KYNU: variants seen among roughly 807,000 people sequenced by gnomAD.
The protein encoded by KYNU is kynureninase, also known as L-kynurenine hydrolase.
Under a neutral mutation model 59.2 loss-of-function variants are expected in KYNU, and 54 were observed. The observed-to-expected ratio is 0.91, with a 90% CI of 0.73 to 1.14. KYNU has a LOEUF of 1.14. Among genes scored for constraint, KYNU ranks in the 50% most tolerant of loss-of-function variants. The probability of loss-of-function intolerance (pLI) is 0.00; values close to 1 mark genes in which losing one functional copy is unlikely to be tolerated. For synonymous variants in KYNU, 177 were observed against 192.0 expected, an observed-to-expected ratio of 0.92 and a Z score of 0.65; for missense variants, 567 against 554.4, an observed-to-expected ratio of 1.02 and a Z score of -0.23.
intron 4 of KYNU, among the ~76,000 whole-genome samples, chr2:142,942,498 G>T (rs554937465): frequency 6.6e-6 from 1 of 152,280 alleles, no homozygotes; most frequent in East Asian, 1.9e-4. Context: ...TGTAGTAACT[G>T]CAGTAAAGAG....
intron 10 of KYNU, chr2:142,989,982 C>T (rs551044637): frequency 6.6e-6 from 1 of 151,886 alleles, no homozygotes; most frequent in East Asian, 1.9e-4. Context: ...TTGTTCAAAA[C>T]CTATGACCTA....
In KYNU at chr2:142,918,725, A is replaced by C; in HGVS notation, c.286A>C (p.Lys96Gln). 6.2e-7 allele frequency: 1 copy of C among 1,611,040 alleles called. No individual in the cohort carries two copies. Among genetic ancestry groups the C allele is most frequent in the South Asian group, 1.1e-5 (1 of 90,690 alleles). Residue 96 changes from lysine (K) to glutamine (Q), a missense_variant, in exon 3 of 14, where the codon AAA becomes CAA. Coordinates refer to ENST00000264170, the MANE Select transcript of KYNU (RefSeq NM_003937.3). ...YLEEELDKWA[K>Q]IAAYGHEVGK... The stretch of plus-strand genomic sequence containing the variant: ...TGAAGAAGAACTAGATAAGTGGGCC[A>C]AAATGTAAGTATTATTTTAAAAGCT...
At position 142,942,874 on chromosome 2, in the gene KYNU, G is replaced by C. The variant is rs143598824; in HGVS notation, c.374-11936G>C. Among the ~76,000 whole-genome samples the C allele has an allele frequency of 7.8e-3, 1,181 of 152,270 alleles. 10 individuals are homozygous for C. Among genetic ancestry groups the C allele is most frequent in the Middle Eastern group, 0.02 (6 of 294 alleles). ...CATGCACATTGGCCTGGTAGCACTT[G>C]GGAGGGGCTGCATGTGCAGTGTGTT... is the stretch of plus-strand genomic sequence containing the variant. On this transcript the variant is annotated intron_variant, in intron 4 of 13. Coordinates refer to ENST00000264170, the MANE Select transcript of KYNU (RefSeq NM_003937.3).
intron 4 of KYNU, among the ~76,000 whole-genome samples, chr2:142,935,292 G>A (rs974334207): frequency 6.6e-6 from 1 of 152,190 alleles, no homozygotes; most frequent in African/African-American, 2.4e-5. Flanking sequence ...GGTGATTTCT[G>A]AAAGTTTTTC....
At chr2:142,957,913 T>A (rs1475301246) in intron 7 of KYNU, 198 bp downstream of exon 7, 5 of 536,216 alleles carry the variant, frequency 9.3e-6, no homozygotes. Context: ...TTTTCATTTT[T>A]CAAGGGCTAG....
At chr2:142,943,178 G>A (rs1300697724) in intron 4 of KYNU, among the ~76,000 whole-genome samples, 2 of 151,396 alleles carry the variant, frequency 1.3e-5, no homozygotes, top group Non-Finnish European at 3.0e-5. Flanking sequence ...TGACATTCCT[G>A]GTGATGGGAA....
intron 8 of KYNU, among the ~76,000 whole-genome samples, chr2:142,970,028 G>A (rs1316511694): frequency 6.6e-6 from 1 of 152,068 alleles, no homozygotes. Flanking sequence ...CCATAAAAGT[G>A]GAAAAGGAAG....
rs1398846752 is a variant in KYNU, at chr2:143,050,334, GT to G, written c.*8164del. The G allele has an allele frequency of 2.6e-5, 4 of 151,836 alleles. No homozygotes were observed. Among genetic ancestry groups the G allele is most frequent in the Non-Finnish European group, 4.4e-5 (3 of 67,982 alleles). 9.4% of individuals were successfully genotyped at this position (151,836 alleles called of 1,614,324 possible). On this transcript the variant is annotated 3_prime_UTR_variant, in exon 14 of 14. Coordinates refer to ENST00000264170, the MANE Select transcript of KYNU (RefSeq NM_003937.3). ...CACCCCCCAGCAGGCCCTGGTGTGTGTTGTTCCCCTCTCTGTGTCCATGTAT... is the reference window on the plus strand; with the variant it reads ...CACCCCCCAGCAGGCCCTGGTGTGTGTGTTCCCCTCTCTGTGTCCATGTAT...
chr2:143,027,217 T>A (rs1686601565), intron 10 of KYNU, among the ~76,000 whole-genome samples: 1 of 152,180 alleles, frequency 6.6e-6, no homozygotes, highest in Non-Finnish European at 1.5e-5. Flanking sequence ...TTAGATAAAT[T>A]GGAAGGAGTA....
At chr2:142,922,449 T>C (rs1682915147) in intron 3 of KYNU, among the ~76,000 whole-genome samples, 1 of 152,098 alleles carries the variant, frequency 6.6e-6, no homozygotes, top group Non-Finnish European at 1.5e-5. Flanking sequence ...GGGTTTGCAG[T>C]GAGCTGAGAT....
chr2:142,964,721 CTAAT>C (rs1369202840), intron 8 of KYNU: 1 of 152,204 alleles, frequency 6.6e-6, no homozygotes, highest in East Asian at 1.9e-4. Context: ...AAGAAGAAAA[CTAAT>C]TAATAAAAAG....
intron 13 of KYNU, among the ~76,000 whole-genome samples, chr2:143,041,147 A>C (rs140667609): frequency 4.4e-4 from 67 of 152,214 alleles, no homozygotes; most frequent in African/African-American, 1.5e-3. Context: ...GTAACATTGC[A>C]AGGAATAATT....
Position 142,883,186 on chromosome 2 carries a change from CTTTTTTTTT to C in KYNU, c.-19-2144_-19-2136del, listed in dbSNP as rs70997528. Among the ~76,000 whole-genome samples, 84 of 72,030 alleles carry C rather than the reference CTTTTTTTTT, an allele frequency of 1.2e-3. 1 individual carries two copies. Among genetic ancestry groups the C allele is most frequent in the South Asian group, 3.5e-3 (5 of 1,414 alleles). The allele number at this position is 72,030 out of a possible 152,430, so 47.3% of individuals were successfully genotyped here. A position where few individuals can be genotyped will look rare whatever the true frequency, so the allele number is the denominator to read the frequency against. ...AGTTTTCTTTCTGGCTCCCAAATTT[CTTTTTTTTT>C]TTTTTTTTTTTTTTTTTTGAGATGG... On this transcript the variant is annotated intron_variant, in intron 1 of 13. Transcript: ENST00000264170.
intron 4 of KYNU, among the ~76,000 whole-genome samples, chr2:142,952,224 C>CTG (rs1299273106): frequency 2.0e-5 from 3 of 151,994 alleles, no homozygotes. Context: ...CACAGGCATG[C>CTG]ACCACCACAT....
At chr2:143,027,473 C>T (rs1032151336) in intron 10 of KYNU, among the ~76,000 whole-genome samples, 1 of 152,046 alleles carries the variant, frequency 6.6e-6, no homozygotes, top group Non-Finnish European at 1.5e-5. Context: ...GTTTTGTTTG[C>T]TTCTCCTGAA....
chr2:143,026,617 A>T (rs1347813782), intron 10 of KYNU, among the ~76,000 whole-genome samples: 1 of 152,028 alleles, frequency 6.6e-6, no homozygotes, highest in African/African-American at 2.4e-5. Flanking sequence ...GTAGGAACTG[A>T]CCCCACACTT....
intron 10 of KYNU, among the ~76,000 whole-genome samples, chr2:142,993,945 G>T (rs970772175): frequency 2.0e-5 from 3 of 152,110 alleles, no homozygotes; most frequent in African/African-American, 7.2e-5. Context: ...TTCTAAAACT[G>T]CAGTCCAGTG....
At chr2:142,930,704 T>C (rs1371012657) in intron 4 of KYNU, among the ~76,000 whole-genome samples, 1 of 152,192 alleles carries the variant, frequency 6.6e-6, no homozygotes, top group East Asian at 1.9e-4. Flanking sequence ...TATCAAGCCC[T>C]CACCCTTATG....
chr2:143,024,934 A>G (rs868492779), intron 10 of KYNU, among the ~76,000 whole-genome samples: 2 of 152,058 alleles, frequency 1.3e-5, no homozygotes, highest in South Asian at 2.1e-4. Context: ...TATTTTAAAT[A>G]TATCTTTTTG....
Sources: allele counts gnomAD v4.1 joint callset (sites outside exome capture counted in the v4.1 genomes callset), GRCh38; gene constraint gnomAD v4.1.1; transcripts MANE v1.5; gene names NCBI Gene and HGNC (gene_info 2026-07-23, HGNC 2026-07-21).